PTPRJ: variants seen among roughly 807,000 people sequenced by gnomAD.
PTPRJ encodes the protein receptor-type tyrosine-protein phosphatase eta.
In PTPRJ, 129 loss-of-function variants were observed where a neutral mutation model predicts 141.3. The ratio of observed to expected loss-of-function variants is 0.91; its 90% CI spans 0.79 to 1.06. The LOEUF is 1.06. Among genes scored for constraint, PTPRJ ranks in the 50% least tolerant of loss-of-function variants. PTPRJ has a pLI of 0.00. For synonymous variants in PTPRJ, 610 were observed against 640.5 expected, an observed-to-expected ratio of 0.95 and a Z score of 0.72; for missense variants, 1,601 against 1,679.7, an observed-to-expected ratio of 0.95 and a Z score of 0.82.
chr11:48,145,559 T>TTA (rs1857331311), intron 14 of PTPRJ, among the ~76,000 whole-genome samples: 1 of 4,606 alleles, frequency 2.2e-4, no homozygotes, highest in African/African-American at 2.4e-4. Flanking sequence ...TTATTTTATG[T>TTA]TTTTTTTTTT....
Position 48,155,796 on chromosome 11 carries a change from C to G in PTPRJ, c.3230-5C>G, listed in dbSNP as rs747255002. ...ATGGGGACCTTTTTTCTTTTAATGTCACAGATGATATTTCCCGTGTCAAAC... is the reference window on the plus strand; with the variant it reads ...ATGGGGACCTTTTTTCTTTTAATGTGACAGATGATATTTCCCGTGTCAAAC... On this transcript the variant is annotated splice_polypyrimidine_tract_variant and splice_region_variant and intron_variant, in intron 19 of 24. Transcript: ENST00000418331. 18 of 1,584,588 alleles carry G rather than the reference C, an allele frequency of 1.1e-5. No individual in the cohort carries two copies. The highest frequency in any genetic ancestry group is 3.3e-4 in the Middle Eastern group (2 of 6,016).
rs1856476731 is a variant in PTPRJ at position 48,112,903 on chromosome 11, G to GTGTTTA, written c.272_273insTGTTTA (p.Gly91_Ala92insValTer). On this transcript the variant is annotated stop_gained and inframe_insertion, in exon 3 of 25. Coordinates refer to ENST00000418331, the MANE Select transcript of PTPRJ (RefSeq NM_002843.4). LOFTEE classifies it high-confidence loss of function. ...ACCAGTGAGGATGGTGAAAGCTCTG[G>GTGTTTA]AGCCAACGATAGTTTAAGAACACCT... 1 of 1,614,046 alleles carries GTGTTTA rather than the reference G, an allele frequency of 6.2e-7. No individual in the cohort carries two copies. Among genetic ancestry groups the GTGTTTA allele is most frequent in the African/African-American group, 1.3e-5 (1 of 74,918 alleles).
intron 1 of PTPRJ, among the ~76,000 whole-genome samples, chr11:48,040,202 C>T (rs759882368): frequency 6.6e-6 from 1 of 152,210 alleles, no homozygotes; most frequent in Non-Finnish European, 1.5e-5. Context: ...TACTTCTCAC[C>T]GAAGTTCCCA....
chr11:48,131,532 G>C (rs765037342), intron 8 of PTPRJ: 2 of 775,658 alleles, frequency 2.6e-6, no homozygotes, highest in African/African-American at 3.4e-5. Context: ...CACCTGCCTG[G>C]AATTCCATCA....
rs1172546721 is a variant in PTPRJ, at chr11:48,168,554, A to AC, written c.*1192_*1193insC. 8.8e-6 allele frequency: 1 copy of AC among 113,924 alleles called. No individual in the cohort carries two copies. The highest frequency in any genetic ancestry group is 3.4e-5 in the African/African-American group (1 of 29,146). The allele number at this position is 113,924 out of a possible 1,614,324, so 7.1% of individuals were successfully genotyped here. A position where few individuals can be genotyped will look rare whatever the true frequency, so the allele number is the denominator to read the frequency against. On this transcript the variant is annotated 3_prime_UTR_variant, in exon 25 of 25. Coordinates refer to ENST00000418331, the MANE Select transcript of PTPRJ (RefSeq NM_002843.4). Reference sequence around the variant, plus strand: ...ACTGTGTATATATATATATATATATATATATATATATATATATATATATAT... The same window carrying AC: ...ACTGTGTATATATATATATATATATACTATATATATATATATATATATATAT...
intron 8 of PTPRJ, among the ~76,000 whole-genome samples, chr11:48,134,214 T>C (rs1277616576): frequency 1.3e-5 from 2 of 152,252 alleles, no homozygotes; most frequent in Non-Finnish European, 2.9e-5. Flanking sequence ...ATTTTGCTTG[T>C]ATACTGTAAT....
intron 19 of PTPRJ, among the ~76,000 whole-genome samples, chr11:48,154,870 G>A (rs760029965): frequency 1.3e-5 from 2 of 152,122 alleles, no homozygotes; most frequent in Non-Finnish European, 2.9e-5. Context: ...AATGTCTGTG[G>A]AGATTCTCAG....
rs565724378 is a variant in PTPRJ, at chr11:48,155,727, T to G, written c.3230-74T>G. ...AGTTTTGCCATTTTGAATTTCATTT[T>G]TTTTTCTGTTTTGTGTCCAACTTTA... On this transcript the variant is annotated intron_variant, in intron 19 of 24. Coordinates refer to ENST00000418331, the MANE Select transcript of PTPRJ (RefSeq NM_002843.4). 28 of 1,311,094 alleles carry G rather than the reference T, an allele frequency of 2.1e-5. No homozygotes were observed. In the African/African-American group the frequency reaches 3.1e-4, roughly 15 times the overall value. The allele number at this position is 1,311,094 out of a possible 1,614,324, so 81.2% of individuals were successfully genotyped here.
At chr11:48,096,468 A>G (rs1453270248) in intron 1 of PTPRJ, among the ~76,000 whole-genome samples, 1 of 151,862 alleles carries the variant, frequency 6.6e-6, no homozygotes, top group Non-Finnish European at 1.5e-5. Context: ...GGAGGGAGAC[A>G]CTCCCTTTGG....
At chr11:48,044,511 G>C (rs1403390776) in intron 1 of PTPRJ, among the ~76,000 whole-genome samples, 1 of 152,154 alleles carries the variant, frequency 6.6e-6, no homozygotes, top group Non-Finnish European at 1.5e-5. Flanking sequence ...TTGGGCGAGG[G>C]AATAACTCAT....
intron 1 of PTPRJ, among the ~76,000 whole-genome samples, chr11:47,982,897 C>CT (rs143619268): frequency 0.018 from 2,668 of 148,188 alleles, 90 homozygotes; most frequent in African/African-American, 0.062. Flanking sequence ...TCTCTTATTT[C>CT]TTTTTTTTTT....
At chr11:48,166,066 T>C (rs1206006719) in intron 24 of PTPRJ, among the ~76,000 whole-genome samples, 1 of 151,702 alleles carries the variant, frequency 6.6e-6, no homozygotes, top group Non-Finnish European at 1.5e-5. Context: ...GGTTTCACCA[T>C]GTTGGCCAGG....
intron 11 of PTPRJ, 101 bp from the exon 12 acceptor site, chr11:48,142,818 A>G (rs1857265540): frequency 1.5e-6 from 2 of 1,376,312 alleles, no homozygotes; most frequent in Non-Finnish European, 1.9e-6. Flanking sequence ...TGTAGCTTCC[A>G]GAGTAAGATC....
intron 21 of PTPRJ, among the ~76,000 whole-genome samples, chr11:48,157,121 T>C (rs1857631522): frequency 6.6e-6 from 1 of 152,118 alleles, no homozygotes; most frequent in South Asian, 2.1e-4. Context: ...CCCAAGTAGC[T>C]GGGATTACAG....
chr11:48,146,155 C>G (rs1248039352), intron 14 of PTPRJ, among the ~76,000 whole-genome samples: 1 of 152,176 alleles, frequency 6.6e-6, no homozygotes, highest in Non-Finnish European at 1.5e-5. Flanking sequence ...GGAAGTGAGA[C>G]TTTTAAGGCC....
At chr11:47,981,139 G>C in intron 1 of PTPRJ, 131 bp downstream of exon 1, 1 of 977,220 alleles carries the variant, frequency 1.0e-6, no homozygotes, top group Non-Finnish European at 1.3e-6. Flanking sequence ...CGGATCCCCG[G>C]AAGGCGACTT....
chr11:48,050,039 C>T (rs1049201038), intron 1 of PTPRJ, among the ~76,000 whole-genome samples: 5 of 152,134 alleles, frequency 3.3e-5, no homozygotes, highest in Admixed American at 6.5e-5. Context: ...CTGACAGACA[C>T]GTGGAGAATA....
In PTPRJ at chr11:47,980,563, C is replaced by G. The variant is rs1300352882; in HGVS notation, c.-350C>G. On this transcript the variant is annotated 5_prime_UTR_variant, in exon 1 of 25. Coordinates refer to ENST00000418331, the MANE Select transcript of PTPRJ (RefSeq NM_002843.4). Reference sequence around the variant, plus strand: ...CTCGCCGCGGCTCCCTGCAGCAGCCCCAGCCGCATGACGCGCGGAGGAGGC... The same window carrying G: ...CTCGCCGCGGCTCCCTGCAGCAGCCGCAGCCGCATGACGCGCGGAGGAGGC... 1 of 982,672 alleles carries G rather than the reference C, an allele frequency of 1.0e-6. No individual in the cohort carries two copies. Among genetic ancestry groups the G allele is most frequent in the African/African-American group, 1.8e-5 (1 of 56,794 alleles). 60.9% of individuals were successfully genotyped at this position (982,672 alleles called of 1,614,324 possible). A position where few individuals can be genotyped will look rare whatever the true frequency, so the allele number is the denominator to read the frequency against.
chr11:48,153,723 G>A, intron 18 of PTPRJ, 73 bp from the exon 19 acceptor site: 1 of 1,025,582 alleles, frequency 9.8e-7, no homozygotes, highest in Non-Finnish European at 1.5e-6. Context: ...TGGTTTCACT[G>A]TCATATGCTA....
Sources: allele counts gnomAD v4.1 joint callset (sites outside exome capture counted in the v4.1 genomes callset), GRCh38; gene constraint gnomAD v4.1.1; transcripts MANE v1.5; gene names NCBI Gene and HGNC (gene_info 2026-07-23, HGNC 2026-07-21).